The following ERAP1 variants were observed in gnomAD, a reference collection of about 807,000 sequenced individuals.
ERAP1 encodes adipocyte-derived leucine aminopeptidase.
In ERAP1, 86 loss-of-function variants were observed where a neutral mutation model predicts 103.7. The observed-to-expected ratio is 0.83, with a 90% CI of 0.70 to 0.99. The LOEUF is 0.99. Among genes scored for constraint, ERAP1 ranks in the 50% least tolerant of loss-of-function variants. ERAP1 has a pLI of 0.00. For missense variants in ERAP1, 1,009 were observed against 1,128.4 expected (o/e 0.89, Z 1.52); for synonymous variants, 398 against 402.4 (o/e 0.99, Z 0.13).
intron 19 of ERAP1, among the ~76,000 whole-genome samples, chr5:96,764,412 G>A (rs190951592): frequency 2.2e-4 from 33 of 152,294 alleles, no homozygotes; most frequent in Non-Finnish European, 3.4e-4. Context: ...TAGTTACAGT[G>A]ATATTGTTGT....
the ERAP1 span, among the ~76,000 whole-genome samples, chr5:96,916,073 T>G: frequency 3.3e-5 from 5 of 151,914 alleles, no homozygotes; most frequent in Admixed American, 6.6e-5. Context: ...ATACAAAAAT[T>G]AGCAGAATGT....
chr5:96,793,779 T>C (rs780066696), intron 6 of ERAP1, 24 bp downstream of exon 6: 14 of 1,596,614 alleles, frequency 8.8e-6, no homozygotes, highest in Admixed American at 5.1e-5. Context: ...TTATACTTTA[T>C]TAAAAGTGTG....
intron 11 of ERAP1, 84 bp downstream of exon 11, chr5:96,788,447 G>C (rs1422709177): frequency 9.3e-6 from 14 of 1,497,928 alleles, no homozygotes; most frequent in Non-Finnish European, 9.2e-6. Flanking sequence ...ATAGTGGTAA[G>C]GGCATTATTT....
chr5:96,854,248 G>A, the ERAP1 span, among the ~76,000 whole-genome samples: 1 of 152,208 alleles, frequency 6.6e-6, no homozygotes, highest in Non-Finnish European at 1.5e-5. Context: ...CCACTTAGCA[G>A]TGTCTATCTG....
At chr5:96,881,391 T>C in the ERAP1 span, 3 of 455,610 alleles carry the variant, frequency 6.6e-6, no homozygotes, top group East Asian at 6.9e-5. Context: ...TGCTGACATA[T>C]TGGTCATGTG....
chr5:96,775,970 C>CCAGT lies in ERAP1; in HGVS notation c.*422_*425dup. The CCAGT allele has an allele frequency of 9.4e-7, 1 of 1,062,474 alleles. No individual in the cohort carries two copies. Among genetic ancestry groups the CCAGT allele is most frequent in the Non-Finnish European group, 1.1e-6 (1 of 873,148 alleles). The allele number at this position is 1,062,474 out of a possible 1,614,324, so 65.8% of individuals were successfully genotyped here. A position where few individuals can be genotyped will look rare whatever the true frequency, so the allele number is the denominator to read the frequency against. On this transcript the variant is annotated 3_prime_UTR_variant, in exon 19 of 19. Transcript: ENST00000443439. ...AGGGGTGAGCCGGGAGAGCTTTAAC[C>CCAGT]CAGTCATCGTCCGGCTTAGTCTCAG...
At chr5:96,856,363 T>G in the ERAP1 span, among the ~76,000 whole-genome samples, 4 of 27,780 alleles carry the variant, frequency 1.4e-4, no homozygotes, top group Admixed American at 3.8e-4. Flanking sequence ...TATATATATA[T>G]ATAGAGAGAG....
At chr5:96,902,794 T>C in the ERAP1 span, 1 of 157,166 alleles carries the variant, frequency 6.4e-6, no homozygotes, top group Non-Finnish European at 1.4e-5. Context: ...TTTCATCTTA[T>C]GTTGAATAAA....
At chr5:96,874,162 GAAAGAAAGAAAGAAAGAA>G in the ERAP1 span, among the ~76,000 whole-genome samples, 16,143 of 121,902 alleles carry the variant, frequency 0.13, 1,094 homozygotes, top group Middle Eastern at 0.18. Flanking sequence ...AAGAAAGAAA[GAAAGAAAGAAAGAAAGAA>G]AGAGAGAGAG....
chr5:96,856,179 C>T, the ERAP1 span, among the ~76,000 whole-genome samples: 1 of 150,062 alleles, frequency 6.7e-6, no homozygotes, highest in Non-Finnish European at 1.5e-5. Context: ...ATTAGCTGGA[C>T]GTGGTGGCAG....
intron 18 of ERAP1, among the ~76,000 whole-genome samples, chr5:96,778,327 A>T (rs1275637873): frequency 1.3e-5 from 2 of 152,160 alleles, no homozygotes; most frequent in Non-Finnish European, 1.5e-5. Context: ...AACTGAGGAG[A>T]TGTGGCCTGC....
At chr5:96,905,520 A>G in the ERAP1 span, among the ~76,000 whole-genome samples, 1 of 152,178 alleles carries the variant, frequency 6.6e-6, no homozygotes, top group Admixed American at 6.5e-5. Flanking sequence ...AAAAATAAAT[A>G]ATTTTTACTT....
At chr5:96,770,788 T>A (rs1772016137), downstream of ERAP1, among the ~76,000 whole-genome samples, 1 of 152,168 alleles carries the variant, frequency 6.6e-6, no homozygotes, top group Non-Finnish European at 1.5e-5. Flanking sequence ...TTTAAGTAAC[T>A]GGTGCTTTAA....
At chr5:96,773,136 T>C (rs1773066616), downstream of ERAP1, 1 of 153,880 alleles carries the variant, frequency 6.5e-6, no homozygotes, top group African/African-American at 2.4e-5. Flanking sequence ...ATAATGTTTA[T>C]AAGTCAAACA....
the ERAP1 span, chr5:96,886,737 A>G: frequency 1.9e-6 from 3 of 1,539,082 alleles, no homozygotes; most frequent in African/African-American, 2.7e-5. Flanking sequence ...CTTGTAGCCT[A>G]CATAGTTTGT....
At chr5:96,900,282 T>C in the ERAP1 span, 1 of 1,493,330 alleles carries the variant, frequency 6.7e-7, no homozygotes, top group Non-Finnish European at 8.9e-7. Context: ...CCTGTCCCTT[T>C]TAAAAGCTGG....
the ERAP1 span, among the ~76,000 whole-genome samples, chr5:96,832,262 C>T: frequency 1.3e-5 from 2 of 152,174 alleles, no homozygotes; most frequent in Admixed American, 1.3e-4. Flanking sequence ...TATGATAGAA[C>T]TTCTGTCCCC....
intron 3 of ERAP1, among the ~76,000 whole-genome samples, chr5:96,799,132 C>T (rs749934666): frequency 1.3e-4 from 20 of 151,932 alleles, no homozygotes; most frequent in Admixed American, 1.1e-3. Context: ...TCCCAAAGTG[C>T]CGAGATTACA....
chr5:96,803,690 G>A lies in ERAP1; in HGVS notation c.237C>T (p.Thr79=). The change falls in exon 2 of 19, where the codon ACC becomes ACT. Residue 79 remains threonine (T), a synonymous_variant. Transcript: ENST00000443439. ...ANLTTLTFWG[T]TKVEITASQP... ...GACTGGCTGTGATTTCTACTTTCGT[G>A]GTTCCCCAGAAGGTCAGCGTGGTAA... 1 of 1,614,204 alleles carries A rather than the reference G, an allele frequency of 6.2e-7. No individual in the cohort carries two copies. The highest frequency in any genetic ancestry group is 8.5e-7 in the Non-Finnish European group (1 of 1,180,040).
Sources: gnomAD v4.1 joint callset for allele counts (sites outside exome capture counted in the v4.1 genomes callset) on GRCh38, gnomAD v4.1.1 for gene constraint, MANE v1.5 for transcripts, NCBI Gene and HGNC (gene_info 2026-07-23, HGNC 2026-07-21) for gene names.